ESRRG: variants seen among roughly 807,000 people sequenced by gnomAD.
ESRRG encodes estrogen-related receptor gamma.
In ESRRG, 13 loss-of-function variants were observed where a neutral mutation model predicts 44.0. The ratio of observed to expected loss-of-function variants is 0.30; its 90% CI spans 0.19 to 0.47. The LOEUF is 0.47. ESRRG is among the 20% of genes least tolerant of loss of function. The probability of loss-of-function intolerance (pLI) is 1.00; values close to 1 mark genes in which losing one functional copy is unlikely to be tolerated. For missense variants in ESRRG, 395 were observed against 580.6 expected (o/e 0.68, Z 3.29); for synonymous variants, 215 against 214.6 (o/e 1.00, Z -0.02).
Position 216,857,721 on chromosome 1 carries a change from T to TAA in ESRRG, c.-14+81859_-14+81860dup, listed in dbSNP as rs10574748. Among the ~76,000 whole-genome samples, 45 of 128,590 alleles carry TAA rather than the reference T, an allele frequency of 3.5e-4. No individual in the cohort carries two copies. The South Asian group carries it at 3.9e-3, about 11-fold the overall frequency. The allele number at this position is 128,590 out of a possible 152,430, so 84.4% of individuals were successfully genotyped here. ...AGCTAATTTTTCACAAAGCCAGATT[T>TAA]AAAAAAAAAAAAAAAAAAGTCCCTT... On this transcript the variant is annotated intron_variant, in intron 2 of 7. Coordinates refer to the ESRRG transcript ENST00000359162.
intron 1 of ESRRG, among the ~76,000 whole-genome samples, chr1:216,995,089 A>G (rs946780502): frequency 3.3e-5 from 5 of 152,200 alleles, no homozygotes; most frequent in African/African-American, 4.8e-5. Flanking sequence ...GACGACTGAG[A>G]TGACTCTTCT....
At chr1:216,689,274 T>A (rs2078617080) in intron 1 of ESRRG, among the ~76,000 whole-genome samples, 2 of 152,174 alleles carry the variant, frequency 1.3e-5, no homozygotes, top group Non-Finnish European at 2.9e-5. Flanking sequence ...ACCATGTGAA[T>A]ACTGGGGTGA....
At chr1:216,676,496 G>A (rs540798042) in intron 2 of ESRRG, among the ~76,000 whole-genome samples, 1 of 152,078 alleles carries the variant, frequency 6.6e-6, no homozygotes, top group Non-Finnish European at 1.5e-5. Flanking sequence ...TTTGTCTAGA[G>A]CAGTGATTCT....
intron 1 of ESRRG, among the ~76,000 whole-genome samples, chr1:216,698,268 A>C (rs1407860822): frequency 6.6e-6 from 1 of 152,176 alleles, no homozygotes; most frequent in Non-Finnish European, 1.5e-5. Flanking sequence ...CTGTAATCCC[A>C]GCACTTTGGG....
chr1:216,676,786 T>C (rs1318188611), intron 2 of ESRRG, among the ~76,000 whole-genome samples: 1 of 152,218 alleles, frequency 6.6e-6, no homozygotes, highest in African/African-American at 2.4e-5. Context: ...AGTTGCTATA[T>C]AGACCCACAT....
intron 1 of ESRRG, among the ~76,000 whole-genome samples, chr1:217,029,524 T>C (rs2081728298): frequency 6.6e-6 from 1 of 152,234 alleles, no homozygotes; most frequent in Non-Finnish European, 1.5e-5. Context: ...AAGTTAATTT[T>C]CTAATATGTT....
intron 1 of ESRRG, among the ~76,000 whole-genome samples, chr1:216,952,614 T>C (rs2067168344): frequency 6.6e-6 from 1 of 152,128 alleles, no homozygotes; most frequent in African/African-American, 2.4e-5. Context: ...TGCTGGAATT[T>C]TTGTCACTGT....
intron 1 of ESRRG, among the ~76,000 whole-genome samples, chr1:217,123,545 C>T (rs1472191446): frequency 6.6e-6 from 1 of 152,212 alleles, no homozygotes; most frequent in East Asian, 1.9e-4. Flanking sequence ...AAATATGGTA[C>T]ATATACACCA....
chr1:216,606,082 A>G (rs528230230), intron 3 of ESRRG, among the ~76,000 whole-genome samples: 4 of 152,300 alleles, frequency 2.6e-5, no homozygotes, highest in Non-Finnish European at 5.9e-5. Context: ...AGCAGTAATA[A>G]ATGTCAGAGC....
intron 2 of ESRRG, among the ~76,000 whole-genome samples, chr1:216,780,167 AC>A (rs1161153277): frequency 6.6e-6 from 1 of 152,050 alleles, no homozygotes; most frequent in East Asian, 1.9e-4. Context: ...CCTTAATACA[AC>A]TTGACAGTTT....
intron 1 of ESRRG, among the ~76,000 whole-genome samples, chr1:217,019,921 T>C (rs964510366): frequency 1.3e-5 from 2 of 152,228 alleles, no homozygotes; most frequent in Non-Finnish European, 2.9e-5. Context: ...GTATTTCTAA[T>C]GTACTGATTT....
chr1:216,738,169 G>A (rs186546849), intron 2 of ESRRG, among the ~76,000 whole-genome samples: 1 of 152,048 alleles, frequency 6.6e-6, no homozygotes, highest in Admixed American at 6.5e-5. Flanking sequence ...TGGTATTTTT[G>A]GGATAAGATC....
intron 1 of ESRRG, among the ~76,000 whole-genome samples, chr1:216,981,772 C>T (rs1258885289): frequency 2.0e-5 from 3 of 151,974 alleles, no homozygotes; most frequent in Admixed American, 6.6e-5. Context: ...ATTTTCCAAA[C>T]CAAGACTTGT....
chr1:217,021,241 G>C (rs2080271526), intron 1 of ESRRG, among the ~76,000 whole-genome samples: 4 of 152,120 alleles, frequency 2.6e-5, no homozygotes, highest in African/African-American at 9.7e-5. Flanking sequence ...CCAGTAGAGT[G>C]GATGGTTCAT....
intron 2 of ESRRG, among the ~76,000 whole-genome samples, chr1:216,836,796 G>A (rs1193077837): frequency 6.6e-6 from 1 of 152,114 alleles, no homozygotes; most frequent in Non-Finnish European, 1.5e-5. Context: ...ATGACAAGAC[G>A]ATGGCAAAAA....
At chr1:217,047,733 T>C (rs2085148642) in intron 1 of ESRRG, among the ~76,000 whole-genome samples, 1 of 152,148 alleles carries the variant, frequency 6.6e-6, no homozygotes, top group Non-Finnish European at 1.5e-5. Flanking sequence ...GCTTTGAGTC[T>C]CAAAGCTGAC....
chr1:217,026,908 C>G (rs925499384), intron 1 of ESRRG, among the ~76,000 whole-genome samples: 86 of 90,800 alleles, frequency 9.5e-4, no homozygotes, highest in Middle Eastern at 5.4e-3. Context: ...CACACACACA[C>G]ACACAGAGAG....
intron 4 of ESRRG, among the ~76,000 whole-genome samples, chr1:216,567,550 G>A (rs970369767): frequency 1.3e-5 from 2 of 152,104 alleles, no homozygotes; most frequent in African/African-American, 2.4e-5. Context: ...ATTTTCATTG[G>A]GAGGTTGAGC....
intron 2 of ESRRG, among the ~76,000 whole-genome samples, chr1:216,798,396 G>A (rs2094529732): frequency 3.3e-5 from 5 of 152,118 alleles, no homozygotes; most frequent in Admixed American, 3.3e-4. Flanking sequence ...TCATGATAGA[G>A]GCCCTGCATG....
Sources: allele counts gnomAD v4.1 joint callset (sites outside exome capture counted in the v4.1 genomes callset), GRCh38; gene constraint gnomAD v4.1.1; transcripts MANE v1.5; gene names NCBI Gene and HGNC (gene_info 2026-07-23, HGNC 2026-07-21).